Variants in POLR1B observed in about 807,000 individuals in gnomAD.
POLR1B encodes the protein RNA polymerase I subunit B, also known as DNA-directed RNA polymerase I subunit RPA2.
In POLR1B, 30 loss-of-function variants were observed where a neutral mutation model predicts 105.8. That is an observed-to-expected ratio of 0.28 (90% CI 0.21 to 0.38). POLR1B has a LOEUF of 0.38. Among genes scored for constraint, POLR1B ranks in the 10% least tolerant of loss-of-function variants. The probability of loss-of-function intolerance (pLI) is 1.00; values close to 1 mark genes in which losing one functional copy is unlikely to be tolerated. For synonymous variants in POLR1B, 485 were observed against 505.1 expected (o/e 0.96, Z 0.53); for missense variants, 976 against 1,435.8 (o/e 0.68, Z 5.17).
chr2:112,542,721 G>A (rs535454391), intron 1 of POLR1B, 50 bp downstream of exon 1: 2 of 1,597,504 alleles, frequency 1.3e-6, no homozygotes, highest in African/African-American at 1.3e-5. Flanking sequence ...CCAATCCCAG[G>A]GAGGTGGCTG....
chr2:112,572,427 G>T, intron 12 of POLR1B, 135 bp from the exon 13 acceptor site: 1 of 604,904 alleles, frequency 1.7e-6, no homozygotes. Context: ...TTAGTCTAAA[G>T]TAAGCATAAC....
At chr2:112,549,104 A>T (rs948134598) in intron 3 of POLR1B, among the ~76,000 whole-genome samples, 163 bp from the exon 4 acceptor site, 3 of 152,140 alleles carry the variant, frequency 2.0e-5, no homozygotes, top group Admixed American at 1.3e-4. Flanking sequence ...CTGTTAATTC[A>T]CACAAAGACA....
At chr2:112,548,737 C>T (rs920903419) in intron 3 of POLR1B, among the ~76,000 whole-genome samples, 2 of 152,062 alleles carry the variant, frequency 1.3e-5, no homozygotes, top group African/African-American at 2.4e-5. Flanking sequence ...CTCAGCCTCC[C>T]GAGTAGCTGG....
chr2:112,571,602 G>A (rs114113110), intron 12 of POLR1B, among the ~76,000 whole-genome samples: 1 of 152,268 alleles, frequency 6.6e-6, no homozygotes, highest in African/African-American at 2.4e-5. Context: ...TGCATGCATA[G>A]TTCAGGAGTC....
chr2:112,573,005 G>T (rs539298708), intron 13 of POLR1B, among the ~76,000 whole-genome samples: 1 of 152,292 alleles, frequency 6.6e-6, no homozygotes, highest in South Asian at 2.1e-4. Flanking sequence ...TTGAAGTTTG[G>T]TTTTGGATCT....
At chr2:112,550,821 A>G (rs781171735) in intron 4 of POLR1B, 45 bp from the exon 5 acceptor site, 13 of 1,596,072 alleles carry the variant, frequency 8.1e-6, no homozygotes, top group Middle Eastern at 1.7e-4. Context: ...TGAAGCAATT[A>G]AGATATCAAT....
intron 9 of POLR1B, 86 bp from the exon 10 acceptor site, chr2:112,564,280 C>T: frequency 1.3e-6 from 2 of 1,488,936 alleles, no homozygotes; most frequent in South Asian, 2.4e-5. Flanking sequence ...TGAACTGATA[C>T]AGCAGCTGTT....
intron 5 of POLR1B, 44 bp downstream of exon 5, chr2:112,551,046 T>TG: frequency 6.4e-7 from 1 of 1,562,238 alleles, no homozygotes; most frequent in South Asian, 1.1e-5. Flanking sequence ...AGAAATTCAC[T>TG]GGGGGTAGTA....
Position 112,551,132 on chromosome 2 carries a change from G to A in POLR1B, c.762+130G>A, listed in dbSNP as rs148276267. ...TGTCTACTGCTCCAAAACAAATTAC[G>A]TCAAAATTCAATAGCTTAAAACTCA... On this transcript the variant is annotated intron_variant, in intron 5 of 14. Transcript: ENST00000263331. 1.2e-3 allele frequency: 1,119 copies of A among 934,692 alleles called. 3 individuals carry two copies. The highest frequency in any genetic ancestry group is 2.0e-3 in the South Asian group (120 of 61,142). The allele number at this position is 934,692 out of a possible 1,614,324, so 57.9% of individuals were successfully genotyped here. A position where few individuals can be genotyped will look rare whatever the true frequency, so the allele number is the denominator to read the frequency against.
At chr2:112,544,708 G>A (rs1285011736) in intron 1 of POLR1B, among the ~76,000 whole-genome samples, 1 of 152,080 alleles carries the variant, frequency 6.6e-6, no homozygotes, top group Non-Finnish European at 1.5e-5. Flanking sequence ...AAAAAGTTCT[G>A]TAAAACACAG....
Position 112,576,537 on chromosome 2 carries a change from C to T in POLR1B, c.*808C>T, listed in dbSNP as rs893594631. The T allele has an allele frequency of 6.6e-6, 1 of 152,208 alleles. No homozygotes were observed. Among genetic ancestry groups the T allele is most frequent in the Non-Finnish European group, 1.5e-5 (1 of 68,058 alleles). The allele number at this position is 152,208 out of a possible 1,614,324, so 9.4% of individuals were successfully genotyped here. The stretch of plus-strand genomic sequence containing the variant: ...CTCCATTTCCCTGGCCCCTAGCAAC[C>T]ACCCTTCTACCCTGTTTCTATGAGT... On this transcript the variant is annotated 3_prime_UTR_variant, in exon 15 of 15. Coordinates refer to ENST00000263331, the MANE Select transcript of POLR1B (RefSeq NM_019014.6).
Position 112,559,489 on chromosome 2 carries a change from C to T in POLR1B, c.1527C>T (p.Gly509=). The T allele has an allele frequency of 1.2e-6, 2 of 1,614,226 alleles. No individual in the cohort carries two copies. Among genetic ancestry groups the T allele is most frequent in the Non-Finnish European group, 1.7e-6 (2 of 1,180,044 alleles). ...ATACCCCAGACGGGGAGCCCTGTGG[C>T]CTGATGAACCACCTAACTGCCGTAT... ...PVHTPDGEPC[G]LMNHLTAVCE... The change falls in exon 9 of 15, where the codon GGC becomes GGT. Residue 509 remains glycine, a synonymous_variant. Transcript: ENST00000263331.
In POLR1B at chr2:112,542,799, G is replaced by T; in HGVS notation, c.177+128G>T. On this transcript the variant is annotated intron_variant, in intron 1 of 14. Transcript: ENST00000263331. ...TGACAGGCTTGGTGGGTAAGCGGGA[G>T]AGCACAACATGTTAAACAGGACGCG... 6 of 1,236,222 alleles carry T rather than the reference G, an allele frequency of 4.9e-6. No homozygotes were observed. In the South Asian group the frequency reaches 8.8e-5, roughly 18 times the overall value. 76.6% of individuals were successfully genotyped at this position (1,236,222 alleles called of 1,614,324 possible).
At chr2:112,567,480 A>G (rs557243286) in intron 10 of POLR1B, among the ~76,000 whole-genome samples, 37 of 152,092 alleles carry the variant, frequency 2.4e-4, no homozygotes, top group Admixed American at 8.5e-4. Context: ...CCTGGGCTCA[A>G]GTGATCCTCC....
At chr2:112,566,976 A>G (rs1684315130) in intron 10 of POLR1B, among the ~76,000 whole-genome samples, 1 of 151,940 alleles carries the variant, frequency 6.6e-6, no homozygotes, top group African/African-American at 2.4e-5. Flanking sequence ...CAAATGAGCT[A>G]CCTGCCTCAT....
At chr2:112,547,280 A>G (rs1394988689) in intron 2 of POLR1B, 101 bp downstream of exon 2, 5 of 1,499,134 alleles carry the variant, frequency 3.3e-6, no homozygotes, top group Non-Finnish European at 4.5e-6. Context: ...TCTTGGTGCT[A>G]TTGTCTAAGA....
intron 4 of POLR1B, 131 bp from the exon 5 acceptor site, chr2:112,550,735 T>C: frequency 1.1e-6 from 1 of 874,738 alleles, no homozygotes; most frequent in Non-Finnish European, 1.7e-6. Context: ...CATTTTTGAT[T>C]GCCAGTCTTG....
At chr2:112,571,722 A>C (rs572547297) in intron 12 of POLR1B, among the ~76,000 whole-genome samples, 1 of 152,182 alleles carries the variant, frequency 6.6e-6, no homozygotes, top group South Asian at 2.1e-4. Flanking sequence ...TCAGAACTCT[A>C]TTTCTTGGTT....
Position 112,575,899 on chromosome 2 carries a change from A to T in POLR1B, c.*170A>T. ...CAAGGTTTCTGAATCTCTCTGGTAG[A>T]TTAACTATTGACAATGATTTTCTGT... On this transcript the variant is annotated 3_prime_UTR_variant, in exon 15 of 15. Transcript: ENST00000263331. This position sits in a 1 kb window ranked among gnomAD's most constrained non-coding sequence, Gnocchi z 5.3. 1.6e-6 allele frequency: 1 copy of T among 627,160 alleles called. No individual in the cohort carries two copies. Among genetic ancestry groups the T allele is most frequent in the Non-Finnish European group, 2.7e-6 (1 of 372,018 alleles). 38.8% of individuals were successfully genotyped at this position (627,160 alleles called of 1,614,324 possible). A position where few individuals can be genotyped will look rare whatever the true frequency, so the allele number is the denominator to read the frequency against.
Sources: gnomAD v4.1 joint callset for allele counts (sites outside exome capture counted in the v4.1 genomes callset) on GRCh38, gnomAD v4.1.1 for gene constraint, Gnocchi (gnomAD v3.1) non-coding constraint, MANE v1.5 for transcripts, NCBI Gene and HGNC (gene_info 2026-07-23, HGNC 2026-07-21) for gene names.